The following AFF2 variants were observed in gnomAD, a reference collection of about 807,000 sequenced individuals.
AFF2 encodes ALF transcription elongation factor 2, also known as AF4/FMR2 family member 2.
AFF2 carries 14 observed loss-of-function variants against 76.9 expected under a neutral mutation model. The observed-to-expected ratio is 0.18, with a 90% CI of 0.12 to 0.28. The LOEUF is 0.28. AFF2 is among the 10% of genes least tolerant of loss of function. The pLI is 1.00. For synonymous variants in AFF2, 398 were observed against 366.7 expected, an observed-to-expected ratio of 1.09 and a Z score of -0.98; for missense variants, 868 against 1,001.1, an observed-to-expected ratio of 0.87 and a Z score of 1.79.
intron 1 of AFF2, among the ~76,000 whole-genome samples, chrX:148,596,613 G>A (rs1199771793): frequency 8.9e-6 from 1 of 112,197 alleles, no homozygotes; most frequent in African/African-American, 3.2e-5. Context: ...TAGTATTTCA[G>A]CTCTCCCAAT....
At chrX:148,715,459 C>T (rs1447555117) in intron 3 of AFF2, among the ~76,000 whole-genome samples, 3 of 111,092 alleles carry the variant, frequency 2.7e-5, no homozygotes, top group Admixed American at 9.6e-5. Context: ...CACACACATG[C>T]GTGCATGCTC....
chrX:148,657,305 G>A (rs936445759), intron 2 of AFF2, among the ~76,000 whole-genome samples: 1 of 111,721 alleles, frequency 9.0e-6, no homozygotes, highest in Non-Finnish European at 1.9e-5. Flanking sequence ...GAGTAAAGAA[G>A]GAAATAGAAA....
intron 15 of AFF2, among the ~76,000 whole-genome samples, chrX:148,969,586 G>T (rs782615659): frequency 1.8e-5 from 2 of 112,186 alleles, no homozygotes; most frequent in Non-Finnish European, 3.8e-5. Flanking sequence ...GGTATGTTAA[G>T]AGTTGTTATA....
chrX:148,821,014 G>A lies in AFF2; in HGVS notation c.1086+11094G>A, dbSNP rs945518607. ...AGACTCAGAGGCTGCATTTGGGATA[G>A]AAGGCCTCAAATGGTGGAATCCAAC... On this transcript the variant is annotated intron_variant, in intron 4 of 20. Transcript: ENST00000370460. Among the ~76,000 whole-genome samples, 4 of 110,756 alleles carry A rather than the reference G, an allele frequency of 3.6e-5. No homozygotes were observed. In the South Asian group the frequency reaches 1.5e-3, roughly 43 times the overall value.
intron 3 of AFF2, among the ~76,000 whole-genome samples, chrX:148,755,984 C>T (rs1412492842): frequency 8.9e-6 from 1 of 111,937 alleles, no homozygotes; most frequent in African/African-American, 3.2e-5. Flanking sequence ...AGCCAGGAAA[C>T]TATTAAAAGA....
intron 8 of AFF2, among the ~76,000 whole-genome samples, chrX:148,891,675 A>G (rs1053900023): frequency 9.0e-6 from 1 of 111,511 alleles, no homozygotes; most frequent in Non-Finnish European, 1.9e-5. Flanking sequence ...CCACAGCCCT[A>G]AACATGTAGT....
chrX:148,564,654 C>T (rs2053149674), intron 1 of AFF2, among the ~76,000 whole-genome samples: 1 of 110,795 alleles, frequency 9.0e-6, no homozygotes, highest in African/African-American at 3.3e-5. Flanking sequence ...AAGATATCTC[C>T]CTCACTTTCT....
intron 1 of AFF2, among the ~76,000 whole-genome samples, chrX:148,586,427 G>T (rs782201542): frequency 2.0e-4 from 22 of 111,818 alleles, no homozygotes; most frequent in Non-Finnish European, 3.8e-4. Flanking sequence ...GGTAACATTA[G>T]CTTTCTTTCC....
At position 148,812,114 on chromosome X, in the gene AFF2, T is replaced by C. The variant is rs185276287; in HGVS notation, c.1086+2194T>C. Reference sequence around the variant, plus strand: ...GCGTCCCCAATTTTATGACTAATTGTTAAATTTTTATAGACCACCTTGCAT... The same window carrying C: ...GCGTCCCCAATTTTATGACTAATTGCTAAATTTTTATAGACCACCTTGCAT... On this transcript the variant is annotated intron_variant, in intron 4 of 20. Transcript: ENST00000370460. Among the ~76,000 whole-genome samples, 3 of 111,479 alleles carry C rather than the reference T, an allele frequency of 2.7e-5. No individual in the cohort carries two copies. The East Asian group carries it at 8.5e-4, about 32-fold the overall frequency.
At chrX:148,548,642 C>T (rs1159346651) in intron 1 of AFF2, among the ~76,000 whole-genome samples, 2 of 111,315 alleles carry the variant, frequency 1.8e-5, no homozygotes, top group Non-Finnish European at 3.8e-5. Flanking sequence ...ACCATGTTGG[C>T]TAGGCTGGTC....
At chrX:148,583,708 A>T (rs1286694998) in intron 1 of AFF2, among the ~76,000 whole-genome samples, 1 of 112,002 alleles carries the variant, frequency 8.9e-6, no homozygotes, top group African/African-American at 3.2e-5. Context: ...TCTAATTTCC[A>T]TCTGACATAA....
rs903990104 is a variant in AFF2, at chrX:148,610,086, T to C, written c.48-41913T>C. ...ATGGGTGATAATAGTGCTTATCTCA[T>C]AGGATCGTTTTAAGAATTAGGAATT... On this transcript the variant is annotated intron_variant, in intron 1 of 20. Transcript: ENST00000370460. Among the ~76,000 whole-genome samples the C allele has an allele frequency of 2.7e-5, 3 of 111,624 alleles. No homozygotes were observed. In the Admixed American group the frequency reaches 2.8e-4, roughly 11 times the overall value.
chrX:148,589,043 C>T (rs1427768522), intron 1 of AFF2, among the ~76,000 whole-genome samples: 2 of 109,841 alleles, frequency 1.8e-5, no homozygotes, highest in Non-Finnish European at 3.8e-5. Context: ...ACCTAGCCAG[C>T]AGGTCTCTCG....
At chrX:148,719,300 T>A in intron 3 of AFF2, 1 of 803,083 alleles carries the variant, frequency 1.2e-6, no homozygotes. Flanking sequence ...CTTTTCTCTC[T>A]CTTTACAAAT....
intron 9 of AFF2, among the ~76,000 whole-genome samples, chrX:148,940,778 T>C (rs1479217528): frequency 2.7e-5 from 3 of 111,766 alleles, no homozygotes; most frequent in Non-Finnish European, 5.6e-5. Context: ...CTAGTGGCCA[T>C]GTACAGACTT....
chrX:148,925,155 C>A (rs1396532645), intron 9 of AFF2, among the ~76,000 whole-genome samples: 1 of 112,163 alleles, frequency 8.9e-6, no homozygotes, highest in Non-Finnish European at 1.9e-5. Context: ...TCTGTAAATC[C>A]CTATCTGCTA....
At chrX:148,895,576 T>A (rs1486779645) in intron 8 of AFF2, among the ~76,000 whole-genome samples, 2 of 102,026 alleles carry the variant, frequency 2.0e-5, no homozygotes, top group Non-Finnish European at 4.0e-5. Context: ...AGTGAGTGTG[T>A]GTGTGTGTGT....
chrX:148,565,856 G>A (rs2053164363), intron 1 of AFF2, among the ~76,000 whole-genome samples: 1 of 110,396 alleles, frequency 9.1e-6, no homozygotes, highest in African/African-American at 3.3e-5. Flanking sequence ...AGCTATGGTT[G>A]GGTTCAGAGC....
At chrX:148,504,050 T>C (rs1190178120) in intron 1 of AFF2, among the ~76,000 whole-genome samples, 4 of 112,100 alleles carry the variant, frequency 3.6e-5, no homozygotes, top group African/African-American at 9.7e-5. Context: ...AAATCAAATT[T>C]CTTCATTTAA....
Sources: gnomAD v4.1 joint callset for allele counts (sites outside exome capture counted in the v4.1 genomes callset) on GRCh38, gnomAD v4.1.1 for gene constraint, MANE v1.5 for transcripts, NCBI Gene and HGNC (gene_info 2026-07-23, HGNC 2026-07-21) for gene names.